C1orf198: variants seen among roughly 807,000 people sequenced by gnomAD.
The protein encoded by C1orf198 is uncharacterized protein C1orf198.
Under a neutral mutation model 31.4 loss-of-function variants are expected in C1orf198, and 17 were observed. That is an observed-to-expected ratio of 0.54 (90% CI 0.37 to 0.81). The LOEUF (loss-of-function observed/expected upper bound fraction) is 0.81, where lower values mean the gene tolerates loss of function less well. C1orf198 is among the 40% of genes least tolerant of loss of function. The pLI, the probability that C1orf198 is intolerant of heterozygous loss-of-function variation, is 0.00. For missense variants in C1orf198, 401 were observed against 450.3 expected, an observed-to-expected ratio of 0.89 and a Z score of 0.99; for synonymous variants, 175 against 193.8, an observed-to-expected ratio of 0.90 and a Z score of 0.81.
At chr1:230,846,488 T>C (rs1669590577) in intron 2 of C1orf198, among the ~76,000 whole-genome samples, 1 of 152,388 alleles carries the variant, frequency 6.6e-6, no homozygotes, top group Admixed American at 6.5e-5. Flanking sequence ...TTTTCCTGTG[T>C]GAAGTGCAGG....
intron 1 of C1orf198, among the ~76,000 whole-genome samples, chr1:230,862,808 C>T (rs1160765201): frequency 1.3e-5 from 2 of 152,172 alleles, no homozygotes; most frequent in Admixed American, 6.5e-5. Flanking sequence ...ATTCATTTGT[C>T]AAGATCCATA....
chr1:230,861,951 T>C lies in C1orf198; in HGVS notation c.333+6229A>G, dbSNP rs536361611. Among the ~76,000 whole-genome samples, 5 of 152,298 alleles carry C rather than the reference T, an allele frequency of 3.3e-5. No homozygotes were observed. The South Asian group carries it at 1.0e-3, about 32-fold the overall frequency. ...TGGTTGACACCTGTGGCATCTTGGC[T>C]TGAAGGTAAGAAATGTAAACTGAGA... On this transcript the variant is annotated intron_variant, in intron 1 of 3. Transcript: ENST00000366663.
chr1:230,850,136 A>G (rs1669703152), intron 2 of C1orf198, among the ~76,000 whole-genome samples: 1 of 152,234 alleles, frequency 6.6e-6, no homozygotes, highest in Admixed American at 6.5e-5. Context: ...TCTCACAGGG[A>G]CAAAGACGCA....
At chr1:230,859,342 TG>T (rs1218431526) in intron 1 of C1orf198, among the ~76,000 whole-genome samples, 1 of 152,108 alleles carries the variant, frequency 6.6e-6, no homozygotes, top group Admixed American at 6.5e-5. Context: ...TAGGACTGCT[TG>T]GAAGGCTTTC....
chr1:230,855,799 A>T lies in C1orf198; in HGVS notation c.334-81T>A. 4 of 1,551,952 alleles carry T rather than the reference A, an allele frequency of 2.6e-6. No homozygotes were observed. In the South Asian group the frequency reaches 3.7e-5, roughly 14 times the overall value. On this transcript the variant is annotated intron_variant, in intron 1 of 3. Transcript: ENST00000366663. ...AAATATCCACCCAGGACCGTGGGGGAACCAAAACTTAGGAATAATCCCAAC... is the reference window on the plus strand; with the variant it reads ...AAATATCCACCCAGGACCGTGGGGGTACCAAAACTTAGGAATAATCCCAAC...
At chr1:230,859,916 T>C (rs1669971878) in intron 1 of C1orf198, among the ~76,000 whole-genome samples, 1 of 152,160 alleles carries the variant, frequency 6.6e-6, no homozygotes, top group African/African-American at 2.4e-5. Context: ...TCTTTACTTG[T>C]TGATAAAAAA....
intron 1 of C1orf198, among the ~76,000 whole-genome samples, chr1:230,860,825 G>A (rs1487641060): frequency 1.3e-5 from 2 of 152,182 alleles, no homozygotes; most frequent in Non-Finnish European, 2.9e-5. Flanking sequence ...GCACAACATT[G>A]AGACTGTACT....
rs746984139 is a variant in C1orf198, at chr1:230,843,852, C to T, written c.429G>A (p.Pro143=). 99 of 1,540,620 alleles carry T rather than the reference C, an allele frequency of 6.4e-5. No individual in the cohort carries two copies. The highest frequency in any genetic ancestry group is 8.1e-5 in the Non-Finnish European group (93 of 1,146,688). ...FSISALSIQE[P]SNGTAASEPR... is the part of the protein sequence containing the mutation. ...GCTCGCTGGCGGCGGTGCCGTTGCT[C>T]GGCTCCTGGATGGATAGGGCGGAGA... The change falls in exon 3 of 4, where the codon CCG becomes CCA. Residue 143 remains proline, a synonymous_variant. Transcript: ENST00000366663. The surrounding 1 kb of genome is among the most constrained non-coding windows in gnomAD (Gnocchi z 4.9).
chr1:230,847,454 G>A (rs1189835600), intron 2 of C1orf198, among the ~76,000 whole-genome samples: 2 of 152,072 alleles, frequency 1.3e-5, no homozygotes, highest in Non-Finnish European at 2.9e-5. Context: ...AATTGTCCTA[G>A]GGTCACTAGC....
chr1:230,847,798 G>A (rs971764688), intron 2 of C1orf198, among the ~76,000 whole-genome samples: 1 of 152,196 alleles, frequency 6.6e-6, no homozygotes, highest in Non-Finnish European at 1.5e-5. Context: ...CCAACTCAGG[G>A]GACAAAGTTG....
At chr1:230,847,974 G>A (rs933734026) in intron 2 of C1orf198, among the ~76,000 whole-genome samples, 4 of 152,210 alleles carry the variant, frequency 2.6e-5, no homozygotes, top group Non-Finnish European at 1.5e-5. Context: ...GCAGTGGGCA[G>A]AGCCAGGGAT....
Position 230,866,389 on chromosome 1 carries a change from C to T in C1orf198, c.333+1791G>A, listed in dbSNP as rs567957479. 1.5e-4 allele frequency among the ~76,000 whole-genome samples: 23 copies of T among 152,288 alleles called. No homozygotes were observed. In the South Asian group the frequency reaches 4.8e-3, roughly 32 times the overall value. On this transcript the variant is annotated intron_variant, in intron 1 of 3. Coordinates refer to ENST00000366663, the MANE Select transcript of C1orf198 (RefSeq NM_032800.3). ...CAGCTGGTTTTGCAAAGCTGAGATT[C>T]AATTCTCCTGAGTTACTCCTGGAAG...
chr1:230,841,709 G>A (rs755460672), intron 3 of C1orf198, among the ~76,000 whole-genome samples: 7 of 152,166 alleles, frequency 4.6e-5, no homozygotes, highest in Admixed American at 2.0e-4. Flanking sequence ...CTGCTGTGGC[G>A]AACAGTATGC....
chr1:230,851,318 C>T (rs1009336716), intron 2 of C1orf198, among the ~76,000 whole-genome samples: 3 of 152,050 alleles, frequency 2.0e-5, no homozygotes, highest in East Asian at 1.9e-4. Context: ...AGGCTGGGGA[C>T]AGGGTCACAA....
chr1:230,848,831 T>C (rs1322293192), intron 2 of C1orf198, among the ~76,000 whole-genome samples: 1 of 152,192 alleles, frequency 6.6e-6, no homozygotes, highest in Admixed American at 6.5e-5. Flanking sequence ...TAGATCCGAC[T>C]CTGCTCAGCT....
chr1:230,853,237 C>T (rs1183939166), intron 2 of C1orf198, among the ~76,000 whole-genome samples: 3 of 152,234 alleles, frequency 2.0e-5, no homozygotes, highest in South Asian at 4.2e-4. Context: ...GTTTGTTATG[C>T]ATCTATAGAG....
chr1:230,849,775 C>T (rs1669692971), intron 2 of C1orf198, among the ~76,000 whole-genome samples: 1 of 152,246 alleles, frequency 6.6e-6, no homozygotes, highest in Non-Finnish European at 1.5e-5. Context: ...CAGAAAAGAT[C>T]ATCATTTACT....
rs1225968738 is a variant in C1orf198 at position 230,840,837 on chromosome 1, G to A, written c.928-929C>T. Among the ~76,000 whole-genome samples, 1 of 152,242 alleles carries A rather than the reference G, an allele frequency of 6.6e-6. No homozygotes were observed. Among genetic ancestry groups the A allele is most frequent in the East Asian group, 1.9e-4 (1 of 5,202 alleles). On this transcript the variant is annotated intron_variant, in intron 3 of 3. Coordinates refer to ENST00000366663, the MANE Select transcript of C1orf198 (RefSeq NM_032800.3). This position sits in a 1 kb window ranked among gnomAD's most constrained non-coding sequence, Gnocchi z 4.0. ...TCAGGCCCAGTTTGGCTACATGTGA[G>A]ACTGGTGCAGAGTGAGGCAAAACAT...
In C1orf198 at chr1:230,868,360, G is replaced by A. The variant is rs1161496382; in HGVS notation, c.153C>T (p.Arg51=). The A allele has an allele frequency of 3.3e-5, 52 of 1,598,260 alleles. No homozygotes were observed. Among genetic ancestry groups the A allele is most frequent in the Non-Finnish European group, 4.3e-5 (51 of 1,173,222 alleles). The change falls in exon 1 of 4, where the codon CGC becomes CGT. Residue 51 remains arginine (R), a synonymous_variant. Coordinates refer to ENST00000366663, the MANE Select transcript of C1orf198 (RefSeq NM_032800.3). Reference sequence around the variant, plus strand: ...GCGCCCACTCGGGCCCGTACTTCTCGCGGATCTTCTCCTTGTCCTGCATGA... The same window carrying A: ...GCGCCCACTCGGGCCCGTACTTCTCACGGATCTTCTCCTTGTCCTGCATGA... ...RKIMQDKEKI[R]EKYGPEWARL...
Sources: gnomAD v4.1 joint callset for allele counts (sites outside exome capture counted in the v4.1 genomes callset) on GRCh38, gnomAD v4.1.1 for gene constraint, Gnocchi (gnomAD v3.1) non-coding constraint, MANE v1.5 for transcripts, NCBI Gene and HGNC (gene_info 2026-07-23, HGNC 2026-07-21) for gene names.